The following MAP3K8 variants were observed in gnomAD, a reference collection of about 807,000 sequenced individuals.
The protein encoded by MAP3K8 is mitogen-activated protein kinase kinase kinase 8.
A neutral mutation model predicts 45.8 loss-of-function variants in MAP3K8; 22 were observed. That is an observed-to-expected ratio of 0.48 (90% CI 0.34 to 0.69). The LOEUF (loss-of-function observed/expected upper bound fraction) is 0.69. MAP3K8 is among the 30% of genes least tolerant of loss of function. The pLI, the probability that MAP3K8 is intolerant of heterozygous loss-of-function variation, is 0.01. For synonymous variants in MAP3K8, 223 were observed against 214.3 expected, an observed-to-expected ratio of 1.04 and a Z score of -0.36; for missense variants, 419 against 585.0, an observed-to-expected ratio of 0.72 and a Z score of 2.93.
intron 4 of MAP3K8, 115 bp downstream of exon 4, chr10:30,448,064 G>C: frequency 2.2e-6 from 2 of 895,142 alleles, no homozygotes; most frequent in Non-Finnish European, 3.4e-6. Flanking sequence ...CTTATCTGAG[G>C]GTGCACTGCC....
chr10:30,441,901 A>G (rs916802832), intron 3 of MAP3K8, among the ~76,000 whole-genome samples: 1 of 152,182 alleles, frequency 6.6e-6, no homozygotes, highest in Non-Finnish European at 1.5e-5. Flanking sequence ...TTCTATTCCC[A>G]TCATCTTCCA....
At position 30,439,189 on chromosome 10, in the gene MAP3K8, T is replaced by A; in HGVS notation, c.251T>A (p.Leu84Ter). The A allele has an allele frequency of 6.2e-7, 1 of 1,614,244 alleles. No individual in the cohort carries two copies. Reference protein sequence around the residue: ...SSVRYGTVEDLLAFANHISNT... With the variant: ...SSVRYGTVED ...GTCAGATATGGAACTGTGGAGGATT[T>A]GCTTGCTTTTGCAAACCATATATCC... The change falls in exon 3 of 9, where the codon TTG (leucine) becomes TAG (stop). Residue 84 changes from leucine (L) to a stop codon, truncating the protein, a stop_gained. Transcript: ENST00000263056. LOFTEE classifies it high-confidence loss of function.
In MAP3K8 at chr10:30,458,264, G is replaced by A. The variant is rs781521528; in HGVS notation, c.1026+28G>A. Reference sequence around the variant, plus strand: ...AAGTGGGGTTCAACCAGGGCTGGGGGCGGCGGGGGGGGGCGTTGAGTTATG... The same window carrying A: ...AAGTGGGGTTCAACCAGGGCTGGGGACGGCGGGGGGGGGCGTTGAGTTATG... On this transcript the variant is annotated intron_variant, in intron 7 of 8. Transcript: ENST00000263056. 3.8e-4 allele frequency: 494 copies of A among 1,310,096 alleles called. 1 individual carries two copies. Among genetic ancestry groups the A allele is most frequent in the Middle Eastern group, 5.9e-4 (3 of 5,104 alleles). 81.2% of individuals were successfully genotyped at this position (1,310,096 alleles called of 1,614,324 possible).
At chr10:30,444,203 A>T (rs934858081) in intron 3 of MAP3K8, among the ~76,000 whole-genome samples, 2 of 151,624 alleles carry the variant, frequency 1.3e-5, no homozygotes, top group African/African-American at 2.4e-5. Context: ...AAAAAAAAAA[A>T]TTTATACGGG....
intron 7 of MAP3K8, among the ~76,000 whole-genome samples, chr10:30,458,527 A>G (rs1189479750): frequency 6.6e-6 from 1 of 152,268 alleles, no homozygotes; most frequent in Non-Finnish European, 1.5e-5. Flanking sequence ...AGTAGCATAA[A>G]TATTTCAGCA....
chr10:30,448,266 G>A lies in MAP3K8; in HGVS notation c.504+317G>A, dbSNP rs548077588. 7.2e-5 allele frequency among the ~76,000 whole-genome samples: 11 copies of A among 152,238 alleles called. No individual in the cohort carries two copies. In the South Asian group the frequency reaches 2.3e-3, roughly 32 times the overall value. On this transcript the variant is annotated intron_variant, in intron 4 of 8. Transcript: ENST00000263056. ...AGAAGAGCCATCCTGCAAAGTAGGA[G>A]CAATTCTCTGTGCTTCTCCTTTCAT...
chr10:30,452,469 C>CAA, intron 6 of MAP3K8, among the ~76,000 whole-genome samples: 1 of 134,954 alleles, frequency 7.4e-6, no homozygotes, highest in Admixed American at 7.5e-5. Context: ...AACTCCATCT[C>CAA]AAAAAAAAAA....
intron 3 of MAP3K8, among the ~76,000 whole-genome samples, chr10:30,441,344 A>G (rs1836099915): frequency 6.6e-6 from 1 of 152,002 alleles, no homozygotes. Flanking sequence ...TTTAGTAGAG[A>G]TGGGTTTTCA....
Position 30,460,818 on chromosome 10 carries a change from A to G in MAP3K8, c.1386A>G (p.Pro462=), listed in dbSNP as rs1156614478. The G allele has an allele frequency of 1.2e-6, 2 of 1,613,740 alleles. No individual in the cohort carries two copies. The highest frequency in any genetic ancestry group is 1.7e-6 in the Non-Finnish European group (2 of 1,180,018). ...ACTTCAATCTTGTTCGGGGACCACC[A>G]ACGCTTGAATATGGCTGAAGGATGC... ...AGYFNLVRGP[P]TLEYG Residue 462 remains proline, a synonymous_variant, in exon 9 of 9, where the codon CCA becomes CCG. Transcript: ENST00000263056.
Position 30,458,067 on chromosome 10 carries a change from T to C in MAP3K8, c.874-17T>C. 1 of 1,451,538 alleles carries C rather than the reference T, an allele frequency of 6.9e-7. No individual in the cohort carries two copies. Among genetic ancestry groups the C allele is most frequent in the Non-Finnish European group, 9.2e-7 (1 of 1,091,222 alleles). 89.9% of individuals were successfully genotyped at this position (1,451,538 alleles called of 1,614,324 possible). On this transcript the variant is annotated splice_polypyrimidine_tract_variant and intron_variant, in intron 6 of 8. Coordinates refer to ENST00000263056, the MANE Select transcript of MAP3K8 (RefSeq NM_005204.4). ...AAGGAGGGGAATGAAGCTGAATGTT[T>C]CCCACTTCTTTTTCAGATTTACATG...
chr10:30,434,693 G>A, intron 1 of MAP3K8: 1 of 985,546 alleles, frequency 1.0e-6, no homozygotes, highest in Non-Finnish European at 1.2e-6. Flanking sequence ...CGCTGTCACT[G>A]CGCCTCCCGC....
rs1437312394 is a variant in MAP3K8 at position 30,458,116 on chromosome 10, G to A, written c.906G>A (p.Arg302=). 3.1e-6 allele frequency: 5 copies of A among 1,589,962 alleles called. No homozygotes were observed. The highest frequency in any genetic ancestry group is 4.3e-6 in the Non-Finnish European group (5 of 1,167,710). Residue 302 remains arginine, a synonymous_variant, in exon 7 of 9, where the codon AGG becomes AGA. Transcript: ENST00000263056. ...IYMSPEVILC[R]GHSTKADIYS... Reference sequence around the variant, plus strand: ...TGAGCCCAGAGGTCATCCTGTGCAGGGGCCATTCAACCAAAGCAGACATCT... The same window carrying A: ...TGAGCCCAGAGGTCATCCTGTGCAGAGGCCATTCAACCAAAGCAGACATCT...
In MAP3K8 at chr10:30,458,075, C is replaced by G. The variant is rs1393001214; in HGVS notation, c.874-9C>G. 6.8e-7 allele frequency: 1 copy of G among 1,462,364 alleles called. No individual in the cohort carries two copies. Among genetic ancestry groups the G allele is most frequent in the Non-Finnish European group, 9.1e-7 (1 of 1,096,910 alleles). 90.6% of individuals were successfully genotyped at this position (1,462,364 alleles called of 1,614,324 possible). On this transcript the variant is annotated splice_polypyrimidine_tract_variant and intron_variant, in intron 6 of 8. Transcript: ENST00000263056. Reference sequence around the variant, plus strand: ...GAATGAAGCTGAATGTTTCCCACTTCTTTTTCAGATTTACATGAGCCCAGA... The same window carrying G: ...GAATGAAGCTGAATGTTTCCCACTTGTTTTTCAGATTTACATGAGCCCAGA...
At chr10:30,441,677 T>C (rs1227810691) in intron 3 of MAP3K8, among the ~76,000 whole-genome samples, 1 of 152,190 alleles carries the variant, frequency 6.6e-6, no homozygotes, top group Non-Finnish European at 1.5e-5. Context: ...GGGCTGCGGT[T>C]GACTTTCCTG....
chr10:30,450,620 G>A, intron 5 of MAP3K8, 101 bp downstream of exon 5: 2 of 1,040,864 alleles, frequency 1.9e-6, no homozygotes, highest in Non-Finnish European at 2.9e-6. Flanking sequence ...CATGGAGGGT[G>A]GAAAGCTCCC....
intron 4 of MAP3K8, among the ~76,000 whole-genome samples, chr10:30,449,322 T>G (rs1234618842): frequency 1.3e-5 from 2 of 152,090 alleles, no homozygotes; most frequent in Non-Finnish European, 2.9e-5. Flanking sequence ...TTGGCTCACC[T>G]CAACCTCTGT....
chr10:30,434,243 G>A lies in MAP3K8; in HGVS notation c.-390G>A, dbSNP rs986662018. 1.3e-5 allele frequency: 2 copies of A among 158,816 alleles called. No individual in the cohort carries two copies. The highest frequency in any genetic ancestry group is 2.4e-5 in the African/African-American group (1 of 41,594). The allele number at this position is 158,816 out of a possible 1,614,324, so 9.8% of individuals were successfully genotyped here. A position where few individuals can be genotyped will look rare whatever the true frequency, so the allele number is the denominator to read the frequency against. Reference sequence around the variant, plus strand: ...TCTGGGGTCCGGCGCCCTGGTTCCTGCTTCTGCCGCTGCCGCCGCCGGATC... The same window carrying A: ...TCTGGGGTCCGGCGCCCTGGTTCCTACTTCTGCCGCTGCCGCCGCCGGATC... On this transcript the variant is annotated 5_prime_UTR_variant, in exon 1 of 9. Coordinates refer to ENST00000263056, the MANE Select transcript of MAP3K8 (RefSeq NM_005204.4).
intron 3 of MAP3K8, chr10:30,439,552 G>A (rs1836028923): frequency 3.1e-6 from 2 of 640,802 alleles, no homozygotes; most frequent in African/African-American, 1.8e-5. Context: ...GCTCACGCCT[G>A]TAATCCGCGC....
chr10:30,442,578 C>A (rs982273297), intron 3 of MAP3K8, among the ~76,000 whole-genome samples: 8 of 152,176 alleles, frequency 5.3e-5, no homozygotes, highest in Non-Finnish European at 8.8e-5. Context: ...AAGATCCCAC[C>A]AACATCCAGC....
Sources: allele counts gnomAD v4.1 joint callset (sites outside exome capture counted in the v4.1 genomes callset), GRCh38; gene constraint gnomAD v4.1.1; transcripts MANE v1.5; gene names NCBI Gene and HGNC (gene_info 2026-07-23, HGNC 2026-07-21).